Variants in SF3B4 observed in about 807,000 individuals in gnomAD.
SF3B4 encodes splicing factor 3b subunit 4.
In SF3B4, 3 loss-of-function variants were observed where a neutral mutation model predicts 34.3. The ratio of observed to expected loss-of-function variants is 0.09; its 90% CI spans 0.04 to 0.23. The LOEUF is 0.23. SF3B4 is among the 10% of genes least tolerant of loss of function. The probability of loss-of-function intolerance (pLI) is 1.00; values close to 1 mark genes in which losing one functional copy is unlikely to be tolerated. For missense variants in SF3B4, 283 were observed against 567.2 expected (o/e 0.50, Z 5.09); for synonymous variants, 216 against 207.8 (o/e 1.04, Z -0.34).
At chr1:149,924,158 G>A (rs936482273) in intron 4 of SF3B4, 144 bp from the exon 5 acceptor site, 2 of 729,424 alleles carry the variant, frequency 2.7e-6, no homozygotes, top group East Asian at 3.1e-5. Flanking sequence ...AATAAGGCTG[G>A]CTGGGCACAG....
chr1:149,924,950 CTG>C (rs1438824541), intron 4 of SF3B4, among the ~76,000 whole-genome samples: 3 of 152,148 alleles, frequency 2.0e-5, no homozygotes, highest in African/African-American at 4.8e-5. Context: ...GTGTGCACAT[CTG>C]TGTCTTAAAA....
Position 149,923,644 on chromosome 1 carries a change from G to T in SF3B4, c.1173C>A (p.Pro391=). 1 of 1,527,922 alleles carries T rather than the reference G, an allele frequency of 6.5e-7. No individual in the cohort carries two copies. The highest frequency in any genetic ancestry group is 8.7e-7 in the Non-Finnish European group (1 of 1,149,852). 94.6% of individuals were successfully genotyped at this position (1,527,922 alleles called of 1,614,324 possible). A position where few individuals can be genotyped will look rare whatever the true frequency, so the allele number is the denominator to read the frequency against. ...GCCCCCGCTGGTAGCCATAGGGTGG[G>T]GGTCGTGGAGGGCCAGTGTATCCAT... ...PPHGYTGPPR[P]PPYGYQRGPL... Residue 391 remains proline (P), a synonymous_variant, in exon 6 of 6, where the codon CCC becomes CCA. Transcript: ENST00000271628.
chr1:149,923,511 A>C lies in SF3B4; in HGVS notation c.*31T>G. 1 of 1,536,910 alleles carries C rather than the reference A, an allele frequency of 6.5e-7. No homozygotes were observed. The highest frequency in any genetic ancestry group is 8.8e-7 in the Non-Finnish European group (1 of 1,141,606). ...TCCAAGGAATAGAAAAGATATTGGGAAAATGTAACAGGAGGAAGGAAAATG... is the reference window on the plus strand; with the variant it reads ...TCCAAGGAATAGAAAAGATATTGGGCAAATGTAACAGGAGGAAGGAAAATG... On this transcript the variant is annotated 3_prime_UTR_variant, in exon 6 of 6. Transcript: ENST00000271628.
rs371400866 is a variant in SF3B4, at chr1:149,927,772, C to G, written c.-13G>C. 7 of 1,552,174 alleles carry G rather than the reference C, an allele frequency of 4.5e-6. No individual in the cohort carries two copies. The highest frequency in any genetic ancestry group is 2.0e-5 in the Admixed American group (1 of 51,104). ...GCCCGGCAGCCATGGCGAAAGAGAT[C>G]CCGCCGTCTCCCAGCAGCGGTTCCG... On this transcript the variant is annotated 5_prime_UTR_variant, in exon 1 of 6. Coordinates refer to ENST00000271628, the MANE Select transcript of SF3B4 (RefSeq NM_005850.5).
Position 149,923,957 on chromosome 1 carries a change from G to C in SF3B4, c.971C>G (p.Ala324Gly), listed in dbSNP as rs782032606. The C allele has an allele frequency of 1.3e-6, 2 of 1,583,996 alleles. No homozygotes were observed. The highest frequency in any genetic ancestry group is 3.9e-5 in the Admixed American group (2 of 51,124). Residue 324 changes from alanine to glycine, a missense_variant, in exon 5 of 6, where the codon GCT (alanine) becomes GGT (glycine). By Grantham distance (60) the Ala-to-Gly change is moderately conservative. Around this residue, in one of 4 missense-constraint regions of SF3B4, gnomAD observed 208 missense variants for 292.6 expected, o/e 0.71. Coordinates refer to ENST00000271628, the MANE Select transcript of SF3B4 (RefSeq NM_005850.5). ...HGPHGLGHPH[A>G]GPPGSGGQPP... ...CTGGCCCCCAGAGCCTGGGGGTCCA[G>C]CGTGGGGATGTCCTAAGCCATGAGG...
At position 149,923,483 on chromosome 1, in the gene SF3B4, T is replaced by G; in HGVS notation, c.*59A>C. Reference sequence around the variant, plus strand: ...CCCAAGGAGCTACAGCATCTCTGATTGGTCCAAGGAATAGAAAAGATATTG... The same window carrying G: ...CCCAAGGAGCTACAGCATCTCTGATGGGTCCAAGGAATAGAAAAGATATTG... On this transcript the variant is annotated 3_prime_UTR_variant, in exon 6 of 6. Transcript: ENST00000271628. The G allele has an allele frequency of 1.5e-6, 2 of 1,359,714 alleles. 1 individual carries two copies. The highest frequency in any genetic ancestry group is 2.9e-5 in the South Asian group (2 of 70,160). 84.2% of individuals were successfully genotyped at this position (1,359,714 alleles called of 1,614,324 possible).
Position 149,926,569 on chromosome 1 carries a change from A to G in SF3B4, c.513T>C (p.Pro171=), listed in dbSNP as rs1553766059. ...TCTTGAAGGCATAAGATACGGTGAT[A>G]GGACGGTTACAGAGGTACTGCCCAT... ...AMNGQYLCNR[P]ITVSYAFKKD... Residue 171 remains proline, a synonymous_variant, in exon 3 of 6, where the codon CCT becomes CCC. Transcript: ENST00000271628. This position sits in a 1 kb window ranked among gnomAD's most constrained non-coding sequence, Gnocchi z 6.2. 2.5e-6 allele frequency: 4 copies of G among 1,614,248 alleles called. No homozygotes were observed. The highest frequency in any genetic ancestry group is 3.4e-6 in the Non-Finnish European group (4 of 1,180,044).
At chr1:149,924,629 T>A (rs142543524) in intron 4 of SF3B4, among the ~76,000 whole-genome samples, 5 of 152,058 alleles carry the variant, frequency 3.3e-5, no homozygotes, top group Admixed American at 2.0e-4. Context: ...ACTCTGTTGA[T>A]AGGATTTGAG....
intron 4 of SF3B4, 40 bp from the exon 5 acceptor site, chr1:149,924,054 GAGA>G: frequency 6.9e-7 from 1 of 1,457,158 alleles, no homozygotes; most frequent in Non-Finnish European, 9.1e-7. Flanking sequence ...AAGAGACAAA[GAGA>G]AGGAGGCAAA....
rs2092596777 is a variant in SF3B4 at position 149,927,388 on chromosome 1, T to A, written c.35-94A>T. ...GAAGATGGAACCCAACCAGGGGAACTGGGGACCGCGGTAGGGGACAGGAGC... is the reference window on the plus strand; with the variant it reads ...GAAGATGGAACCCAACCAGGGGAACAGGGGACCGCGGTAGGGGACAGGAGC... On this transcript the variant is annotated intron_variant, in intron 1 of 5. Transcript: ENST00000271628. The A allele has an allele frequency of 2.0e-6, 3 of 1,503,144 alleles. No homozygotes were observed. In the South Asian group the frequency reaches 3.5e-5, roughly 17 times the overall value. The allele number at this position is 1,503,144 out of a possible 1,614,324, so 93.1% of individuals were successfully genotyped here. A position where few individuals can be genotyped will look rare whatever the true frequency, so the allele number is the denominator to read the frequency against.
chr1:149,925,541 G>A lies in SF3B4; in HGVS notation c.913+295C>T, dbSNP rs372220102. ...GTCAAACTAGATAAGGAGCAGAAGC[G>A]TCCCCGAGATTTGGCAATTAGGTCA... On this transcript the variant is annotated intron_variant, in intron 4 of 5. Transcript: ENST00000271628. 8.7e-4 allele frequency: 349 copies of A among 403,006 alleles called. 4 individuals carry two copies. The highest frequency in any genetic ancestry group is 7.5e-3 in the South Asian group (314 of 41,654). 25.0% of individuals were successfully genotyped at this position (403,006 alleles called of 1,614,324 possible).
rs267598002 is a variant in SF3B4, at chr1:149,923,594, G to A, written c.1223C>T (p.Pro408Leu). 6.4e-7 allele frequency: 1 copy of A among 1,554,886 alleles called. No individual in the cohort carries two copies. The highest frequency in any genetic ancestry group is 8.6e-7 in the Non-Finnish European group (1 of 1,161,226). ...RGPLPPPRPT[P>L]RPPVPPRGPL... ...GCCTCGAGGGGGAACTGGTGGCCGG[G>A]GAGTGGGTCTGGGTGGAGGGAGAGG... The change falls in exon 6 of 6, where the codon CCC (proline) becomes CTC (leucine). Residue 408 changes from proline (P) to leucine (L), a missense_variant. This residue lies in a region of SF3B4 where 208 missense variants were observed against 292.6 expected (regional missense o/e 0.71). Transcript: ENST00000271628.
In SF3B4 at chr1:149,927,762, C is replaced by G; in HGVS notation, c.-3G>C. 6.4e-7 allele frequency: 1 copy of G among 1,552,938 alleles called. No individual in the cohort carries two copies. The highest frequency in any genetic ancestry group is 8.7e-7 in the Non-Finnish European group (1 of 1,147,732). On this transcript the variant is annotated 5_prime_UTR_variant, in exon 1 of 6. Coordinates refer to ENST00000271628, the MANE Select transcript of SF3B4 (RefSeq NM_005850.5). ...TCGGAGATCGGCCCGGCAGCCATGG[C>G]GAAAGAGATCCCGCCGTCTCCCAGC...
At chr1:149,924,760 G>C (rs1464897125) in intron 4 of SF3B4, among the ~76,000 whole-genome samples, 1 of 152,164 alleles carries the variant, frequency 6.6e-6, no homozygotes, top group South Asian at 2.1e-4. Context: ...GCAAGTCACA[G>C]GTGTGGCAAA....
At chr1:149,924,618 A>G (rs1553765745) in intron 4 of SF3B4, among the ~76,000 whole-genome samples, 1 of 152,166 alleles carries the variant, frequency 6.6e-6, no homozygotes, top group African/African-American at 2.4e-5. Flanking sequence ...GTGGAGTAAT[A>G]ACTCTGTTGA....
At chr1:149,927,492 A>G in intron 1 of SF3B4, 198 bp from the exon 2 acceptor site, 1 of 749,534 alleles carries the variant, frequency 1.3e-6, no homozygotes, top group Non-Finnish European at 2.1e-6. Flanking sequence ...TAGTATTGTG[A>G]GTGGGTTTTT....
At position 149,926,659 on chromosome 1, in the gene SF3B4, G is replaced by A; in HGVS notation, c.423C>T (p.Ser141=). The change falls in exon 3 of 6, where the codon TCC becomes TCT. Residue 141 remains serine (S), a synonymous_variant. Transcript: ENST00000271628. This position sits in a 1 kb window ranked among gnomAD's most constrained non-coding sequence, Gnocchi z 6.2. Reference sequence around the variant, plus strand: ...CAAAATTAATAAAGGCATAACCTTTGGAGTTGCCTGTGTCAGGGTCCCGCA... The same window carrying A: ...CAAAATTAATAAAGGCATAACCTTTAGAGTTGCCTGTGTCAGGGTCCCGCA... ...KIMRDPDTGN[S]KGYAFINFAS... 1.2e-6 allele frequency: 2 copies of A among 1,614,218 alleles called. No homozygotes were observed. The highest frequency in any genetic ancestry group is 1.1e-5 in the South Asian group (1 of 91,082).
chr1:149,923,600 G>A lies in SF3B4; in HGVS notation c.1217C>T (p.Pro406Leu). The A allele has an allele frequency of 6.4e-7, 1 of 1,552,148 alleles. No individual in the cohort carries two copies. Among genetic ancestry groups the A allele is most frequent in the East Asian group, 2.4e-5 (1 of 40,896 alleles). The change falls in exon 6 of 6, where the codon CCC (proline) becomes CTC (leucine). Residue 406 changes from proline to leucine, a missense_variant. By Grantham distance (98) the Pro-to-Leu change is moderately conservative. This residue lies in a region of SF3B4 where 208 missense variants were observed against 292.6 expected (regional missense o/e 0.71). Coordinates refer to ENST00000271628, the MANE Select transcript of SF3B4 (RefSeq NM_005850.5). ...AGGGGGAACTGGTGGCCGGGGAGTG[G>A]GTCTGGGTGGAGGGAGAGGCCCCCG... is the stretch of plus-strand genomic sequence containing the variant. ...YQRGPLPPPR[P>L]TPRPPVPPRG...
Position 149,926,410 on chromosome 1 carries a change from C to G in SF3B4, c.672G>C (p.Val224=). ...GAAGCCCAGACCCCAATGATGATAC[C>G]ACAGGATTGGGAGCAGAGGGTGGAG... is the stretch of plus-strand genomic sequence containing the variant. ...APPPPSAPNP[V]VSSLGSGLPP... Residue 224 remains valine, a synonymous_variant, in exon 3 of 6, where the codon GTG becomes GTC. Transcript: ENST00000271628. The surrounding 1 kb of genome is among the most constrained non-coding windows in gnomAD (Gnocchi z 6.2). The G allele has an allele frequency of 1.9e-6, 3 of 1,613,150 alleles. No homozygotes were observed. The highest frequency in any genetic ancestry group is 2.5e-6 in the Non-Finnish European group (3 of 1,179,314).
Sources: allele counts gnomAD v4.1 joint callset (sites outside exome capture counted in the v4.1 genomes callset), GRCh38; gene constraint gnomAD v4.1.1; regional missense constraint gnomAD v4.1.1; non-coding constraint Gnocchi (gnomAD v3.1); transcripts MANE v1.5; gene names NCBI Gene and HGNC (gene_info 2026-07-23, HGNC 2026-07-21).